Variants in SSBP4 observed in about 807,000 individuals in gnomAD.
SSBP4 encodes single-stranded DNA-binding protein 4.
In SSBP4, 33 loss-of-function variants were observed where a neutral mutation model predicts 64.6. The observed-to-expected ratio is 0.51, with a 90% CI of 0.39 to 0.68. The LOEUF is 0.68. Among genes scored for constraint, SSBP4 ranks in the 30% least tolerant of loss-of-function variants. The pLI, the probability that SSBP4 is intolerant of heterozygous loss-of-function variation, is 0.00. For synonymous variants in SSBP4, 243 were observed against 224.0 expected (o/e 1.08, Z -0.76); for missense variants, 583 against 566.8 (o/e 1.03, Z -0.29).
At chr19:18,417,818 T>G (rs964273321), upstream of SSBP4, among the ~76,000 whole-genome samples, 1 of 151,648 alleles carries the variant, frequency 6.6e-6, no homozygotes, top group South Asian at 2.1e-4. The surrounding 1 kb of genome is among the most constrained non-coding windows in gnomAD (Gnocchi z 5.4). Context: ...CTTCCCTTCC[T>G]CTCCGCGGGT....
Position 18,432,865 on chromosome 19 carries a change from A to C in SSBP4, c.823A>C (p.Ile275Leu). The part of the protein sequence containing the change: ...PGGGGPPGTP[I>L]MPSPGDSTNS... ...AGGAGGTGGGCCCCCTGGAACACCC[A>C]TCATGCCTAGCCCTGGAGGTATGGC... Residue 275 changes from isoleucine to leucine, a missense_variant, in exon 13 of 18, where the codon ATC becomes CTC. By Grantham distance (5) the Ile-to-Leu change is conservative. This residue lies in a region of SSBP4 where 444 missense variants were observed against 386.6 expected (regional missense o/e 1.15). Transcript: ENST00000270061. 1 of 1,613,988 alleles carries C rather than the reference A, an allele frequency of 6.2e-7. No homozygotes were observed. Among genetic ancestry groups the C allele is most frequent in the African/African-American group, 1.3e-5 (1 of 75,020 alleles).
At chr19:18,430,325 T>C (rs1356362178) in intron 4 of SSBP4, among the ~76,000 whole-genome samples, 1 of 152,116 alleles carries the variant, frequency 6.6e-6, no homozygotes, top group Non-Finnish European at 1.5e-5. Context: ...TTCTGGCAGA[T>C]ACAGGAAGCC....
At chr19:18,411,757 G>C in the SSBP4 span, among the ~76,000 whole-genome samples, 8 of 151,638 alleles carry the variant, frequency 5.3e-5, no homozygotes, top group Admixed American at 3.9e-4. Context: ...TGGACTCTGT[G>C]GTGTTGTTAA....
intron 8 of SSBP4, 46 bp downstream of exon 8, chr19:18,431,908 C>A: frequency 6.4e-7 from 1 of 1,566,404 alleles, no homozygotes. Flanking sequence ...AATCAGAATT[C>A]CAGCTCTCAG....
Position 18,425,585 on chromosome 19 carries a change from A to G in SSBP4, c.60-1766A>G, listed in dbSNP as rs573054401. 4.6e-5 allele frequency among the ~76,000 whole-genome samples: 7 copies of G among 151,240 alleles called. No homozygotes were observed. The South Asian group carries it at 1.4e-3, about 31-fold the overall frequency. ...CCAGGGTGCCACAGAAGTGAGCTAGACAGGTGGGCCTGCAGGCCGCCGGGC... is the reference window on the plus strand; with the variant it reads ...CCAGGGTGCCACAGAAGTGAGCTAGGCAGGTGGGCCTGCAGGCCGCCGGGC... On this transcript the variant is annotated intron_variant, in intron 1 of 17. Coordinates refer to ENST00000270061, the MANE Select transcript of SSBP4 (RefSeq NM_032627.5).
chr19:18,433,446 A>T, intron 15 of SSBP4, 139 bp from the exon 16 acceptor site: 3 of 1,437,340 alleles, frequency 2.1e-6, no homozygotes, highest in Non-Finnish European at 2.8e-6. Context: ...ACCTGGCCTC[A>T]GTCCCGGGGT....
the SSBP4 span, among the ~76,000 whole-genome samples, chr19:18,411,955 G>A: frequency 6.6e-6 from 1 of 152,232 alleles, no homozygotes; most frequent in African/African-American, 2.4e-5. Context: ...CTTGAGGCCA[G>A]GAGTTCGAGA....
intron 5 of SSBP4, 33 bp downstream of exon 5, chr19:18,430,963 A>T (rs767296844): frequency 1.2e-6 from 2 of 1,601,980 alleles, no homozygotes; most frequent in Non-Finnish European, 1.7e-6. Context: ...CTGGCCCCCA[A>T]CTCTGGCTGA....
rs1295046345 is a variant in SSBP4 at position 18,434,125 on chromosome 19, C to T, written c.1129-92C>T. On this transcript the variant is annotated intron_variant, in intron 17 of 17. Coordinates refer to ENST00000270061, the MANE Select transcript of SSBP4 (RefSeq NM_032627.5). ...CCCCATGTCTGCCCAGGACCCAGCC[C>T]TGCCCTGTCCCCCATTGTCCCTGGG... 5 of 1,585,334 alleles carry T rather than the reference C, an allele frequency of 3.2e-6. No individual in the cohort carries two copies. The East Asian group carries it at 7.0e-5, about 22-fold the overall frequency.
intron 4 of SSBP4, among the ~76,000 whole-genome samples, chr19:18,430,092 CCTT>C (rs1376856759): frequency 4.6e-5 from 7 of 152,306 alleles, no homozygotes; most frequent in South Asian, 2.1e-4. Context: ...GAGCCCATCA[CCTT>C]CTTTTTGGGG....
chr19:18,431,351 A>C lies in SSBP4; in HGVS notation c.370-2A>C. 1 of 637,416 alleles carries C rather than the reference A, an allele frequency of 1.6e-6. No homozygotes were observed. The highest frequency in any genetic ancestry group is 2.5e-6 in the Non-Finnish European group (1 of 398,094). The allele number at this position is 637,416 out of a possible 1,614,324, so 39.5% of individuals were successfully genotyped here. On this transcript the variant is annotated splice_acceptor_variant, in intron 5 of 17. Transcript: ENST00000270061. LOFTEE classifies it high-confidence loss of function. ...CCCACCCACCTGGTTCTGTCCTCCTAGGGCCCCCCCGGCTCCCAGCCGTCC... is the reference window on the plus strand; with the variant it reads ...CCCACCCACCTGGTTCTGTCCTCCTCGGGCCCCCCCGGCTCCCAGCCGTCC...
In SSBP4 at chr19:18,427,675, T is replaced by C. The variant is rs545164612; in HGVS notation, c.133-77T>C. The C allele has an allele frequency of 1.8e-4, 259 of 1,473,834 alleles. No individual in the cohort carries two copies. Among genetic ancestry groups the C allele is most frequent in the Admixed American group, 5.1e-4 (25 of 48,630 alleles). The allele number at this position is 1,473,834 out of a possible 1,614,324, so 91.3% of individuals were successfully genotyped here. A position where few individuals can be genotyped will look rare whatever the true frequency, so the allele number is the denominator to read the frequency against. On this transcript the variant is annotated intron_variant, in intron 2 of 17. Transcript: ENST00000270061. This position sits in a 1 kb window ranked among gnomAD's most constrained non-coding sequence, Gnocchi z 4.4. Reference sequence around the variant, plus strand: ...CCTCCCCACTCCCTCCCTGCCCAGATGTTCTCTGGGCACCCTGCTGGGTGG... The same window carrying C: ...CCTCCCCACTCCCTCCCTGCCCAGACGTTCTCTGGGCACCCTGCTGGGTGG...
chr19:18,419,725 G>T lies in SSBP4; in HGVS notation c.59+18G>T, dbSNP rs1972294603. The T allele has an allele frequency of 1.4e-5, 16 of 1,142,522 alleles. No individual in the cohort carries two copies. The highest frequency in any genetic ancestry group is 1.6e-5 in the African/African-American group (1 of 60,736). 70.8% of individuals were successfully genotyped at this position (1,142,522 alleles called of 1,614,324 possible). On this transcript the variant is annotated intron_variant, in intron 1 of 17. Transcript: ENST00000270061. The stretch of plus-strand genomic sequence containing the variant: ...CGCGAGAAGTGAGTGCGGGGCCGGG[G>T]GCGGGGCTCGGCGTCCGCGCTCTTC...
At chr19:18,404,987 C>G in the SSBP4 span, among the ~76,000 whole-genome samples, 8 of 118,414 alleles carry the variant, frequency 6.8e-5, no homozygotes, top group East Asian at 6.1e-4. Context: ...GCCCAGAGGC[C>G]CCCCCCCCCG....
intron 4 of SSBP4, among the ~76,000 whole-genome samples, chr19:18,430,360 G>A (rs1036243149): frequency 2.1e-4 from 32 of 152,250 alleles, no homozygotes; most frequent in South Asian, 8.3e-4. Flanking sequence ...CTGTCTTGTC[G>A]CCTTCTCCAT....
upstream of SSBP4, among the ~76,000 whole-genome samples, chr19:18,417,369 C>A (rs982842019): frequency 2.6e-5 from 4 of 152,202 alleles, no homozygotes; most frequent in Non-Finnish European, 5.9e-5. The surrounding 1 kb of genome is among the most constrained non-coding windows in gnomAD (Gnocchi z 5.4). Flanking sequence ...GAGGGACCAA[C>A]CAGGGCACAC....
the SSBP4 span, among the ~76,000 whole-genome samples, chr19:18,406,128 C>T: frequency 6.6e-6 from 1 of 151,760 alleles, no homozygotes; most frequent in Non-Finnish European, 1.5e-5. Context: ...AGGCGTGAGA[C>T]ACTGTACCAA....
chr19:18,422,969 C>T (rs1418492422), intron 1 of SSBP4, among the ~76,000 whole-genome samples: 2 of 152,216 alleles, frequency 1.3e-5, no homozygotes, highest in Non-Finnish European at 2.9e-5. Flanking sequence ...CAGGCCTTCC[C>T]GGCTTACACT....
At chr19:18,407,567 G>A in the SSBP4 span, among the ~76,000 whole-genome samples, 1 of 151,030 alleles carries the variant, frequency 6.6e-6, no homozygotes, top group Admixed American at 6.6e-5. Flanking sequence ...GAGTAGCTGG[G>A]ACTACAGGCG....
Sources: allele counts gnomAD v4.1 joint callset (sites outside exome capture counted in the v4.1 genomes callset), GRCh38; gene constraint gnomAD v4.1.1; regional missense constraint gnomAD v4.1.1; non-coding constraint Gnocchi (gnomAD v3.1); transcripts MANE v1.5; gene names NCBI Gene and HGNC (gene_info 2026-07-23, HGNC 2026-07-21).